The following ARHGAP39 variants were observed in gnomAD, a reference collection of about 807,000 sequenced individuals.
ARHGAP39 encodes Rho GTPase activating protein 39.
Under a neutral mutation model 106.9 loss-of-function variants are expected in ARHGAP39, and 44 were observed. That is an observed-to-expected ratio of 0.41 (90% confidence interval 0.32 to 0.53). ARHGAP39 has a LOEUF of 0.53. Ranked by LOEUF, ARHGAP39 falls within the 20% of genes least tolerant of loss-of-function variation. The pLI is 0.21. For synonymous variants in ARHGAP39, 768 were observed against 693.2 expected, an observed-to-expected ratio of 1.11 and a Z score of -1.69; for missense variants, 1,496 against 1,577.3, an observed-to-expected ratio of 0.95 and a Z score of 0.87.
chr8:144,581,921 T>G (rs888097113), intron 2 of ARHGAP39, among the ~76,000 whole-genome samples: 1 of 152,124 alleles, frequency 6.6e-6, no homozygotes, highest in Admixed American at 6.5e-5. Flanking sequence ...CAAAAACCCT[T>G]AGAGGCACCA....
intron 2 of ARHGAP39, among the ~76,000 whole-genome samples, chr8:144,602,312 T>G (rs112417794): frequency 7.9e-6 from 1 of 126,748 alleles, no homozygotes; most frequent in Admixed American, 8.1e-5. Flanking sequence ...CCTGTGTGTG[T>G]GCATGGAGGC....
intron 1 of ARHGAP39, among the ~76,000 whole-genome samples, chr8:144,632,410 C>CA (rs1821084327): frequency 6.6e-6 from 1 of 152,218 alleles, no homozygotes; most frequent in Admixed American, 6.5e-5. Flanking sequence ...CGATCAACCT[C>CA]AAAGCATGTC....
At chr8:144,601,274 G>GCA (rs2130932775) in intron 2 of ARHGAP39, among the ~76,000 whole-genome samples, 2 of 147,334 alleles carry the variant, frequency 1.4e-5, no homozygotes, top group East Asian at 2.1e-4. Context: ...GAACCTGTGT[G>GCA]TGTGCATGGA....
intron 2 of ARHGAP39, among the ~76,000 whole-genome samples, chr8:144,593,177 G>C (rs1819471259): frequency 6.6e-6 from 1 of 152,156 alleles, no homozygotes; most frequent in South Asian, 2.1e-4. Flanking sequence ...GGAGATGTCT[G>C]TTTGCACACA....
rs566570900 is a variant in ARHGAP39, at chr8:144,592,648, C to T, written c.81-11371G>A. ...GGGGACAGCACTGAGCCCAGACCCT[C>T]GGGAAACCTGAGGGCACCTCCTGGG... is the stretch of plus-strand genomic sequence containing the variant. On this transcript the variant is annotated intron_variant, in intron 2 of 11. Coordinates refer to ENST00000377307, the MANE Select transcript of ARHGAP39 (RefSeq NM_025251.3). 1.1e-4 allele frequency among the ~76,000 whole-genome samples: 16 copies of T among 140,578 alleles called. No homozygotes were observed. In the East Asian group the frequency reaches 1.8e-3, roughly 15 times the overall value. 92.2% of individuals were successfully genotyped at this position (140,578 alleles called of 152,430 possible). A position where few individuals can be genotyped will look rare whatever the true frequency, so the allele number is the denominator to read the frequency against.
In ARHGAP39 at chr8:144,548,291, G is replaced by A; in HGVS notation, c.795C>T (p.Ile265=). 6.2e-7 allele frequency: 1 copy of A among 1,609,232 alleles called. No individual in the cohort carries two copies. Among genetic ancestry groups the A allele is most frequent in the East Asian group, 2.2e-5 (1 of 44,680 alleles). ...QTFAPEADGT[I]FFPERRPSPF... Reference sequence around the variant, plus strand: ...GTGACGGCCTCCTCTCTGGGAAGAAGATGGTGCCGTCAGCCTCCGGGGCGA... The same window carrying A: ...GTGACGGCCTCCTCTCTGGGAAGAAAATGGTGCCGTCAGCCTCCGGGGCGA... Residue 265 remains isoleucine (I), a synonymous_variant, in exon 5 of 12, where the codon ATC becomes ATT. Transcript: ENST00000377307. The surrounding 1 kb of genome is among the most constrained non-coding windows in gnomAD (Gnocchi z 7.4).
chr8:144,615,145 C>A (rs545998325), intron 1 of ARHGAP39, among the ~76,000 whole-genome samples: 7 of 152,308 alleles, frequency 4.6e-5, no homozygotes, highest in African/African-American at 1.7e-4. Flanking sequence ...GATGGCAAAA[C>A]CTCACCTCTA....
chr8:144,547,834 A>G lies in ARHGAP39; in HGVS notation c.1252T>C (p.Tyr418His). Residue 418 changes from tyrosine to histidine, a missense_variant, in exon 5 of 12, where the codon TAC (tyrosine) becomes CAC (histidine). Around this residue, in one of 4 missense-constraint regions of ARHGAP39, gnomAD observed 905 missense variants for 816.4 expected, o/e 1.11. Coordinates refer to ENST00000377307, the MANE Select transcript of ARHGAP39 (RefSeq NM_025251.3). This position sits in a 1 kb window ranked among gnomAD's most constrained non-coding sequence, Gnocchi z 5.2. ...PKLRAGPRHK[Y>H]APNPGGGSYS... ...GAACCACCGCCGGGGTTGGGCGCGT[A>G]CTTGTGCCGCGGGCCGGCGCGCAGC... The G allele has an allele frequency of 6.3e-7, 1 of 1,590,808 alleles. No individual in the cohort carries two copies. The highest frequency in any genetic ancestry group is 8.5e-7 in the Non-Finnish European group (1 of 1,169,844).
intron 1 of ARHGAP39, among the ~76,000 whole-genome samples, chr8:144,622,304 A>C (rs1820826951): frequency 6.6e-6 from 1 of 151,976 alleles, no homozygotes; most frequent in African/African-American, 2.4e-5. Flanking sequence ...CAGTTTCTTA[A>C]CGTAGGTTCC....
intron 4 of ARHGAP39, among the ~76,000 whole-genome samples, chr8:144,551,515 C>T (rs1390597438): frequency 1.3e-5 from 2 of 152,218 alleles, no homozygotes; most frequent in South Asian, 4.1e-4. Flanking sequence ...GGCCCAGACA[C>T]TCTCCCCAGG....
In ARHGAP39 at chr8:144,545,369, G is replaced by C. The variant is rs1352006038; in HGVS notation, c.2401C>G (p.Leu801Val). 1.9e-6 allele frequency: 3 copies of C among 1,601,144 alleles called. No individual in the cohort carries two copies. Among genetic ancestry groups the C allele is most frequent in the South Asian group, 1.1e-5 (1 of 90,654 alleles). The change falls in exon 6 of 12, where the codon CTG (leucine) becomes GTG (valine). Residue 801 changes from leucine (L) to valine (V), a missense_variant. Physicochemically the swap from Leu to Val is conservative, Grantham distance 32 (BLOSUM62 1). Coordinates refer to ENST00000377307, the MANE Select transcript of ARHGAP39 (RefSeq NM_025251.3). ...GCCATGAGCTCCCAGCCGCGGGCCA[G>C]GCTCTCCAGGCGGAAGTTCTCGGTG... ...QTTENFRLES[L>V]ARGWELMAIC...
Position 144,530,835 on chromosome 8 carries a change from T to C in ARHGAP39, c.3017A>G (p.Glu1006Gly). ...GTAGAACTCGTGCGGGATCAGGGGCTCCTCCAGCTCCCGGTACCACAGCTT... is the reference window on the plus strand; with the variant it reads ...GTAGAACTCGTGCGGGATCAGGGGCCCCTCCAGCTCCCGGTACCACAGCTT... The part of the protein sequence containing the change: ...LLKLWYRELE[E>G]PLIPHEFYEQ... The change falls in exon 11 of 12, where the codon GAG becomes GGG. Residue 1006 changes from glutamate to glycine, a missense_variant. Physicochemically the swap from Glu to Gly is moderately conservative, Grantham distance 98 (BLOSUM62 -2). Transcript: ENST00000377307. 6.2e-7 allele frequency: 1 copy of C among 1,610,986 alleles called. No individual in the cohort carries two copies. The highest frequency in any genetic ancestry group is 1.1e-5 in the South Asian group (1 of 91,042).
At chr8:144,532,184 A>C in intron 10 of ARHGAP39, 121 bp downstream of exon 10, 2 of 808,872 alleles carry the variant, frequency 2.5e-6, no homozygotes, top group Non-Finnish European at 4.0e-6. Flanking sequence ...GCTAGAAGTG[A>C]CTGGGAAGCC....
intron 4 of ARHGAP39, among the ~76,000 whole-genome samples, chr8:144,551,169 A>G (rs1240987034): frequency 7.1e-6 from 1 of 140,238 alleles, no homozygotes; most frequent in African/African-American, 2.7e-5. Context: ...TCGTGGCCCC[A>G]GGGAGGCGCC....
intron 1 of ARHGAP39, among the ~76,000 whole-genome samples, chr8:144,649,350 T>G (rs1821520926): frequency 6.6e-6 from 1 of 151,934 alleles, no homozygotes; most frequent in Admixed American, 6.6e-5. Flanking sequence ...CTTGGGAGGC[T>G]GAGGCAGGAG....
chr8:144,600,794 CTCA>C (rs1819865884), intron 2 of ARHGAP39, among the ~76,000 whole-genome samples: 1 of 148,808 alleles, frequency 6.7e-6, no homozygotes, highest in Non-Finnish European at 1.5e-5. Flanking sequence ...TGCGCGTGAG[CTCA>C]TCTACCTACC....
intron 1 of ARHGAP39, among the ~76,000 whole-genome samples, chr8:144,611,804 C>A (rs1820497893): frequency 6.6e-6 from 1 of 151,476 alleles, no homozygotes; most frequent in South Asian, 2.1e-4. Context: ...TCCCTTGAGG[C>A]CAGGAGTTCA....
At chr8:144,661,914 C>T (rs962169359) in intron 1 of ARHGAP39, among the ~76,000 whole-genome samples, 2 of 150,636 alleles carry the variant, frequency 1.3e-5, no homozygotes, top group African/African-American at 4.9e-5. Flanking sequence ...CCCCCCTTTC[C>T]GCATCTCCAT....
rs4925814 is a variant in ARHGAP39 at position 144,668,751 on chromosome 8, T to G, written c.-82+16935A>C. 2.4e-3 allele frequency among the ~76,000 whole-genome samples: 361 copies of G among 152,154 alleles called. 3 individuals are homozygous for G. The East Asian group carries it at 0.037, about 16-fold the overall frequency. ...AACACTCCACACTGATCAACAGAAT[T>G]TAATAGATCCTTATCAAAGTCAAGC... On this transcript the variant is annotated intron_variant, in intron 1 of 11. Coordinates refer to ENST00000377307, the MANE Select transcript of ARHGAP39 (RefSeq NM_025251.3).
Sources: gnomAD v4.1 joint callset for allele counts (sites outside exome capture counted in the v4.1 genomes callset) on GRCh38, gnomAD v4.1.1 for gene constraint, gnomAD v4.1.1 regional missense constraint, Gnocchi (gnomAD v3.1) non-coding constraint, MANE v1.5 for transcripts, NCBI Gene and HGNC (gene_info 2026-07-23, HGNC 2026-07-21) for gene names.